The following MID1 variants were observed in gnomAD, a reference collection of about 807,000 sequenced individuals.
MID1 encodes the protein midline 1.
In MID1, 7 loss-of-function variants were observed where a neutral mutation model predicts 40.4. That is an observed-to-expected ratio of 0.17 (90% CI 0.10 to 0.33). The LOEUF is 0.33. Ranked by LOEUF, MID1 falls within the 10% of genes least tolerant of loss-of-function variation. MID1 has a pLI of 1.00. For synonymous variants in MID1, 229 were observed against 221.2 expected (o/e 1.04, Z -0.31); for missense variants, 367 against 558.5 (o/e 0.66, Z 3.46).
At chrX:10,686,932 C>A (rs1379366160) in intron 1 of MID1, among the ~76,000 whole-genome samples, 1 of 111,792 alleles carries the variant, frequency 8.9e-6, no homozygotes, top group Admixed American at 9.5e-5. Flanking sequence ...AATTGTGCAG[C>A]CTCTGAGCTG....
chrX:10,730,643 C>T (rs1223678880), intron 1 of MID1, among the ~76,000 whole-genome samples: 1 of 103,962 alleles, frequency 9.6e-6, no homozygotes, highest in Non-Finnish European at 1.9e-5. Context: ...ACGATCTCGG[C>T]TCACTGCAAG....
chrX:10,636,785 GAT>G (rs60188235), intron 1 of MID1, among the ~76,000 whole-genome samples: 4,613 of 42,587 alleles, frequency 0.11, 294 homozygotes, highest in Middle Eastern at 0.29. Flanking sequence ...CAACAATGGG[GAT>G]ATATATATAT....
At chrX:10,639,710 T>C (rs747818459) in intron 1 of MID1, among the ~76,000 whole-genome samples, 1 of 110,827 alleles carries the variant, frequency 9.0e-6, no homozygotes, top group African/African-American at 3.3e-5. Context: ...GACACATAAT[T>C]GTCAGATTCA....
chrX:10,600,221 G>C (rs919024297), intron 1 of MID1, among the ~76,000 whole-genome samples: 1 of 110,520 alleles, frequency 9.0e-6, no homozygotes, highest in African/African-American at 3.3e-5. Context: ...AGCATTTTGG[G>C]TGGCTGAGGT....
intron 1 of MID1, among the ~76,000 whole-genome samples, chrX:10,674,559 C>A (rs1043482685): frequency 1.8e-5 from 2 of 112,229 alleles, no homozygotes; most frequent in Non-Finnish European, 3.8e-5. Flanking sequence ...TTCAGAAGAT[C>A]AACCTGGAAA....
At chrX:10,492,075 CCTAT>C (rs1367673906) in intron 4 of MID1, among the ~76,000 whole-genome samples, 1 of 111,762 alleles carries the variant, frequency 8.9e-6, no homozygotes, top group Non-Finnish European at 1.9e-5. Context: ...TTGTTGCTTT[CCTAT>C]CTATTTTTTT....
chrX:10,701,596 TA>T (rs1394950952), intron 1 of MID1, among the ~76,000 whole-genome samples: 2 of 111,940 alleles, frequency 1.8e-5, no homozygotes, highest in Admixed American at 1.9e-4. Flanking sequence ...GTTAAAAGAG[TA>T]AAACATCTGG....
intron 1 of MID1, among the ~76,000 whole-genome samples, chrX:10,734,551 TA>T (rs60973932): frequency 0.019 from 1,819 of 97,746 alleles, 17 homozygotes; most frequent in African/African-American, 0.035. Flanking sequence ...AAATAAAAGT[TA>T]AAAAAAAAAA....
At chrX:10,591,727 T>G (rs922681562) in intron 1 of MID1, among the ~76,000 whole-genome samples, 1 of 103,887 alleles carries the variant, frequency 9.6e-6, no homozygotes, top group Non-Finnish European at 2.0e-5. Flanking sequence ...GAAGCAATTC[T>G]TTGCATGGGT....
At chrX:10,715,892 T>A (rs961447846) in intron 1 of MID1, among the ~76,000 whole-genome samples, 1 of 111,259 alleles carries the variant, frequency 9.0e-6, no homozygotes, top group African/African-American at 3.3e-5. Flanking sequence ...TTCACCAATA[T>A]CCACTGTTCT....
At chrX:10,742,536 T>C (rs1458446105) in intron 1 of MID1, among the ~76,000 whole-genome samples, 1 of 112,575 alleles carries the variant, frequency 8.9e-6, no homozygotes, top group African/African-American at 3.2e-5. Flanking sequence ...GGTTTTTCTT[T>C]GTTAGTATCT....
At chrX:10,784,099 T>C (rs1168906326) in intron 1 of MID1, among the ~76,000 whole-genome samples, 1 of 111,989 alleles carries the variant, frequency 8.9e-6, no homozygotes, top group East Asian at 2.8e-4. Flanking sequence ...TACATAGCTA[T>C]AAAATTAAAA....
intron 6 of MID1, among the ~76,000 whole-genome samples, chrX:10,473,657 C>T (rs1313407643): frequency 1.8e-5 from 2 of 112,471 alleles, no homozygotes; most frequent in Admixed American, 9.4e-5. Context: ...GCTCATGTCA[C>T]GCTAAGTTAG....
intron 1 of MID1, among the ~76,000 whole-genome samples, chrX:10,743,170 G>A (rs185363473): frequency 1.0e-3 from 116 of 112,426 alleles, no homozygotes; most frequent in African/African-American, 3.2e-3. Flanking sequence ...GCGTTACAGC[G>A]GCTGATTCTT....
At chrX:10,704,739 T>C (rs182263676) in intron 1 of MID1, among the ~76,000 whole-genome samples, 10,170 of 81,988 alleles carry the variant, frequency 0.12, 1,470 homozygotes, top group African/African-American at 0.38. Flanking sequence ...TATATATATA[T>C]ACACACACAC....
intron 1 of MID1, among the ~76,000 whole-genome samples, chrX:10,715,556 A>G (rs1486708862): frequency 8.9e-6 from 1 of 111,896 alleles, no homozygotes; most frequent in Non-Finnish European, 1.9e-5. Context: ...AGAAACTCGA[A>G]CTGGGTGGAG....
chrX:10,647,440 G>A (rs1318058091), intron 1 of MID1, among the ~76,000 whole-genome samples: 3 of 111,875 alleles, frequency 2.7e-5, no homozygotes, highest in Non-Finnish European at 5.6e-5. Flanking sequence ...CAACATCACT[G>A]CTGGAAAACT....
At chrX:10,502,519 G>A (rs371348116) in intron 3 of MID1, among the ~76,000 whole-genome samples, 2 of 111,551 alleles carry the variant, frequency 1.8e-5, no homozygotes, top group East Asian at 5.7e-4. Context: ...TTTGAATTCC[G>A]CAAGAATGGT....
At chrX:10,600,660 AC>A (rs1398835394) in intron 1 of MID1, among the ~76,000 whole-genome samples, 1 of 111,994 alleles carries the variant, frequency 8.9e-6, no homozygotes, top group Non-Finnish European at 1.9e-5. Flanking sequence ...GCCCTGTCTT[AC>A]ACCAACTGTT....
Sources: gnomAD v4.1 joint callset for allele counts (sites outside exome capture counted in the v4.1 genomes callset) on GRCh38, gnomAD v4.1.1 for gene constraint, MANE v1.5 for transcripts, NCBI Gene and HGNC (gene_info 2026-07-23, HGNC 2026-07-21) for gene names.